Variants in BCL11B observed in about 807,000 individuals in gnomAD.
The protein encoded by BCL11B is B-cell lymphoma/leukemia 11B.
A neutral mutation model predicts 49.9 loss-of-function variants in BCL11B; 8 were observed. The ratio of observed to expected loss-of-function variants is 0.16; its 90% CI spans 0.09 to 0.29. The LOEUF (loss-of-function observed/expected upper bound fraction) is 0.29. Ranked by LOEUF, BCL11B falls within the 10% of genes least tolerant of loss-of-function variation. BCL11B has a pLI of 1.00. For missense variants in BCL11B, 1,006 were observed against 1,351.0 expected (o/e 0.74, Z 4.00); for synonymous variants, 739 against 637.4 (o/e 1.16, Z -2.40).
rs1469410421 is a variant in BCL11B at position 99,248,241 on chromosome 14, C to T, written c.427+9230G>A. On this transcript the variant is annotated intron_variant, in intron 2 of 3. Transcript: ENST00000357195. This position sits in a 1 kb window ranked among gnomAD's most constrained non-coding sequence, Gnocchi z 4.7. ...ACCCCAGGGCCCTCCAGACCAAAAC[C>T]AGCGGACCAGCAAGAAGGCGTCAAG... Among the ~76,000 whole-genome samples, 1 of 152,112 alleles carries T rather than the reference C, an allele frequency of 6.6e-6. No homozygotes were observed. Among genetic ancestry groups the T allele is most frequent in the Non-Finnish European group, 1.5e-5 (1 of 68,016 alleles).
chr14:99,220,882 G>A (rs896210643), intron 3 of BCL11B, among the ~76,000 whole-genome samples: 1 of 151,882 alleles, frequency 6.6e-6, no homozygotes, highest in Non-Finnish European at 1.5e-5. Flanking sequence ...ACAGCATCTC[G>A]CTCTGTTGCC....
intron 3 of BCL11B, among the ~76,000 whole-genome samples, chr14:99,185,851 T>C (rs1886837732): frequency 6.6e-6 from 1 of 152,168 alleles, no homozygotes; most frequent in South Asian, 2.1e-4. Context: ...ACCCAAGACC[T>C]CACCGCATCT....
intron 3 of BCL11B, among the ~76,000 whole-genome samples, chr14:99,203,810 G>A (rs1220867983): frequency 6.6e-6 from 1 of 152,190 alleles, no homozygotes; most frequent in Admixed American, 6.5e-5. Context: ...CTTCAGCTCA[G>A]ATAGGGATAG....
intron 3 of BCL11B, among the ~76,000 whole-genome samples, chr14:99,204,463 A>T (rs1887477718): frequency 6.6e-6 from 1 of 152,078 alleles, no homozygotes; most frequent in Non-Finnish European, 1.5e-5. Context: ...GGGGGGAGGG[A>T]GGCAGGCAGG....
intron 3 of BCL11B, among the ~76,000 whole-genome samples, chr14:99,207,610 G>A (rs1887569934): frequency 6.6e-6 from 1 of 152,244 alleles, no homozygotes; most frequent in Non-Finnish European, 1.5e-5. Context: ...TCTGTGCCCT[G>A]GAGGCCTTCA....
Position 99,217,397 on chromosome 14 carries a change from C to CATACAG in BCL11B, c.640+13947_640+13948insCTGTAT, listed in dbSNP as rs779283357. Among the ~76,000 whole-genome samples, 946 of 148,218 alleles carry CATACAG rather than the reference C, an allele frequency of 6.4e-3. 4 individuals are homozygous for CATACAG. The highest frequency in any genetic ancestry group is 0.01 in the Middle Eastern group (3 of 290). On this transcript the variant is annotated intron_variant, in intron 3 of 3. Transcript: ENST00000357195. ...ACACACACATACAGACACACACACA[C>CATACAG]ACACACACACACACACACACGGCCT...
chr14:99,225,930 T>A (rs1888147506), intron 3 of BCL11B, among the ~76,000 whole-genome samples: 1 of 152,210 alleles, frequency 6.6e-6, no homozygotes, highest in South Asian at 2.1e-4. Flanking sequence ...CAGCTCTCCA[T>A]GGCTTCTCCT....
chr14:99,235,495 G>T (rs758569710), intron 2 of BCL11B, among the ~76,000 whole-genome samples: 1 of 152,180 alleles, frequency 6.6e-6, no homozygotes, highest in Non-Finnish European at 1.5e-5. Context: ...ATGATCAGGA[G>T]TAATTAACAT....
intron 3 of BCL11B, among the ~76,000 whole-genome samples, chr14:99,181,519 T>C (rs1886701499): frequency 6.6e-6 from 1 of 152,156 alleles, no homozygotes; most frequent in Non-Finnish European, 1.5e-5. Context: ...CAGCACCACC[T>C]GAGGCATTTA....
Position 99,199,648 on chromosome 14 carries a change from G to C in BCL11B, c.641-23453C>G, listed in dbSNP as rs879417269. On this transcript the variant is annotated intron_variant, in intron 3 of 3. Transcript: ENST00000357195. ...AGGGTTCTGGCTAAATGCTGTGTGTGTGTGTGTGTGTGTGTGTGTGTGTGT... is the reference window on the plus strand; with the variant it reads ...AGGGTTCTGGCTAAATGCTGTGTGTCTGTGTGTGTGTGTGTGTGTGTGTGT... Among the ~76,000 whole-genome samples the C allele has an allele frequency of 5.4e-3, 379 of 70,630 alleles. 1 individual carries two copies. The highest frequency in any genetic ancestry group is 0.024 in the Middle Eastern group (4 of 168). The allele number at this position is 70,630 out of a possible 152,430, so 46.3% of individuals were successfully genotyped here.
intron 3 of BCL11B, among the ~76,000 whole-genome samples, chr14:99,201,347 G>C (rs142666312): frequency 1.4e-3 from 212 of 152,308 alleles, no homozygotes; most frequent in African/African-American, 4.6e-3. Flanking sequence ...CACAAATGGT[G>C]ACGGGACAAT....
chr14:99,236,673 G>T (rs916045553), intron 2 of BCL11B, among the ~76,000 whole-genome samples: 1 of 152,102 alleles, frequency 6.6e-6, no homozygotes, highest in Admixed American at 6.5e-5. Flanking sequence ...ACAAGGAGAA[G>T]ATGGTCTTTA....
intron 1 of BCL11B, among the ~76,000 whole-genome samples, chr14:99,269,525 C>CG (rs1414021845): frequency 1.5e-4 from 13 of 86,044 alleles, no homozygotes; most frequent in Non-Finnish European, 4.6e-4. Context: ...TCCCCCCCCC[C>CG]CAAAAAAAAT....
rs1398309853 is a variant in BCL11B, at chr14:99,257,183, C to T, written c.427+288G>A. On this transcript the variant is annotated intron_variant, in intron 2 of 3. Coordinates refer to ENST00000357195, the MANE Select transcript of BCL11B (RefSeq NM_138576.4). This position sits in a 1 kb window ranked among gnomAD's most constrained non-coding sequence, Gnocchi z 6.2. ...GCAAAGAGAGGGCCAACCAGACTTC[C>T]AAATTTTCATTCTGTGCTTCTGACC... 2.0e-5 allele frequency among the ~76,000 whole-genome samples: 3 copies of T among 152,166 alleles called. No homozygotes were observed. Among genetic ancestry groups the T allele is most frequent in the Non-Finnish European group, 4.4e-5 (3 of 68,030 alleles).
intron 1 of BCL11B, among the ~76,000 whole-genome samples, chr14:99,268,781 G>A (rs1280052757): frequency 6.6e-6 from 1 of 152,154 alleles, no homozygotes; most frequent in South Asian, 2.1e-4. Flanking sequence ...AAGGCAGGCC[G>A]GCTTTCCTTT....
At chr14:99,223,605 A>G (rs1406215861) in intron 3 of BCL11B, among the ~76,000 whole-genome samples, 1 of 152,148 alleles carries the variant, frequency 6.6e-6, no homozygotes, top group Non-Finnish European at 1.5e-5. Context: ...AAACAGCACC[A>G]CCTTTCATGG....
At position 99,192,841 on chromosome 14, in the gene BCL11B, T is replaced by C. The variant is rs897126793; in HGVS notation, c.641-16646A>G. ...CCTCTGGTCAGTGCTCAATAGAGAA[T>C]GCTATTTAATGATCAAAATGTAAAT... On this transcript the variant is annotated intron_variant, in intron 3 of 3. Transcript: ENST00000357195. This position sits in a 1 kb window ranked among gnomAD's most constrained non-coding sequence, Gnocchi z 4.0. Among the ~76,000 whole-genome samples the C allele has an allele frequency of 6.6e-6, 1 of 152,024 alleles. No individual in the cohort carries two copies. The highest frequency in any genetic ancestry group is 1.5e-5 in the Non-Finnish European group (1 of 68,020).
At chr14:99,236,270 C>G (rs1888496130) in intron 2 of BCL11B, among the ~76,000 whole-genome samples, 1 of 152,058 alleles carries the variant, frequency 6.6e-6, no homozygotes, top group African/African-American at 2.4e-5. Flanking sequence ...TTTCTGATCA[C>G]TTAAATATTT....
intron 1 of BCL11B, among the ~76,000 whole-genome samples, chr14:99,259,996 A>G (rs979413293): frequency 6.6e-6 from 1 of 152,224 alleles, no homozygotes; most frequent in African/African-American, 2.4e-5. Context: ...TTTAATTACC[A>G]ATTACATATA....
Sources: allele counts gnomAD v4.1 joint callset (sites outside exome capture counted in the v4.1 genomes callset), GRCh38; gene constraint gnomAD v4.1.1; non-coding constraint Gnocchi (gnomAD v3.1); transcripts MANE v1.5; gene names NCBI Gene and HGNC (gene_info 2026-07-23, HGNC 2026-07-21).